Variants in CD58 observed in about 807,000 individuals in gnomAD.
The protein encoded by CD58 is CD58 molecule, also known as lymphocyte function-associated antigen 3.
A neutral mutation model predicts 27.6 loss-of-function variants in CD58; 14 were observed. The observed-to-expected ratio is 0.51, with a 90% confidence interval of 0.34 to 0.79. CD58 has a LOEUF of 0.79. Among genes scored for constraint, CD58 ranks in the 30% least tolerant of loss-of-function variants. The probability of loss-of-function intolerance (pLI) is 0.02; values close to 1 mark genes in which losing one functional copy is unlikely to be tolerated. For missense variants in CD58, 268 were observed against 301.7 expected (o/e 0.89, Z 0.83); for synonymous variants, 117 against 103.8 (o/e 1.13, Z -0.77).
intron 2 of CD58, among the ~76,000 whole-genome samples, chr1:116,540,094 C>G (rs1657945172): frequency 6.6e-6 from 1 of 152,014 alleles, no homozygotes; most frequent in African/African-American, 2.4e-5. Context: ...GATGAAGGTC[C>G]ATAAAAAGAT....
In CD58 at chr1:116,515,374, A is replaced by G. The variant is rs777845567; in HGVS notation, c.744-552T>C. Among the ~76,000 whole-genome samples the G allele has an allele frequency of 3.9e-5, 6 of 152,134 alleles. No homozygotes were observed. The highest frequency in any genetic ancestry group is 8.8e-5 in the Non-Finnish European group (6 of 68,026). Reference sequence around the variant, plus strand: ...GGTCTGCGTATTTCCACAGAGCTCAAAATCAGACCAGGCCAGAGCTCCCCA... The same window carrying G: ...GGTCTGCGTATTTCCACAGAGCTCAGAATCAGACCAGGCCAGAGCTCCCCA... On this transcript the variant is annotated intron_variant, in intron 5 of 5. Coordinates refer to ENST00000369489, the MANE Select transcript of CD58 (RefSeq NM_001779.3). This position sits in a 1 kb window ranked among gnomAD's most constrained non-coding sequence, Gnocchi z 4.6.
rs565580087 is a variant in CD58 at position 116,531,093 on chromosome 1, C to T, written c.628+4872G>A. On this transcript the variant is annotated intron_variant, in intron 3 of 5. Transcript: ENST00000369489. This position sits in a 1 kb window ranked among gnomAD's most constrained non-coding sequence, Gnocchi z 4.5. ...AAAGAATTTTTTCAAATTAATAGTA[C>T]TTATTTCAAATCAATAAGAGGAATA... 6.6e-6 allele frequency among the ~76,000 whole-genome samples: 1 copy of T among 152,208 alleles called. No homozygotes were observed. The highest frequency in any genetic ancestry group is 6.5e-5 in the Admixed American group (1 of 15,284).
rs1427454874 is a variant in CD58 at position 116,524,243 on chromosome 1, C to T, written c.629-2260G>A. Among the ~76,000 whole-genome samples, 2 of 152,080 alleles carry T rather than the reference C, an allele frequency of 1.3e-5. No individual in the cohort carries two copies. The highest frequency in any genetic ancestry group is 4.8e-5 in the African/African-American group (2 of 41,392). ...GTACCATAATCTGGGTGAAGGTGGC[C>T]AATCATCCTGGTTTTCCTGAAACTG... On this transcript the variant is annotated intron_variant, in intron 3 of 5. Coordinates refer to ENST00000369489, the MANE Select transcript of CD58 (RefSeq NM_001779.3). This position sits in a 1 kb window ranked among gnomAD's most constrained non-coding sequence, Gnocchi z 4.6.
rs939637418 is a variant in CD58, at chr1:116,528,701, G to A, written c.629-6718C>T. On this transcript the variant is annotated intron_variant, in intron 3 of 5. Coordinates refer to ENST00000369489, the MANE Select transcript of CD58 (RefSeq NM_001779.3). This position sits in a 1 kb window ranked among gnomAD's most constrained non-coding sequence, Gnocchi z 4.4. ...CAGCAGTTATCTAAAAGAGAATGGT[G>A]AAGTGCACTGGGTTTCTTTACCTGG... 6.6e-6 allele frequency among the ~76,000 whole-genome samples: 1 copy of A among 152,204 alleles called. No individual in the cohort carries two copies. The highest frequency in any genetic ancestry group is 1.5e-5 in the Non-Finnish European group (1 of 68,036).
At chr1:116,533,871 C>T (rs1657701698) in intron 3 of CD58, 2 of 1,041,410 alleles carry the variant, frequency 1.9e-6, no homozygotes, top group South Asian at 2.5e-5. Flanking sequence ...CGCATCTCAC[C>T]TGAATTTGTT....
In CD58 at chr1:116,552,075, G is replaced by C. The variant is rs1361598128; in HGVS notation, c.71-7471C>G. On this transcript the variant is annotated intron_variant, in intron 1 of 5. Transcript: ENST00000369489. The surrounding 1 kb of genome is among the most constrained non-coding windows in gnomAD (Gnocchi z 4.5). Reference sequence around the variant, plus strand: ...GCTTTTCACATGCCTTCCTCACTAAGCTTAATCATTTCTAGTTTTTAATTT... The same window carrying C: ...GCTTTTCACATGCCTTCCTCACTAACCTTAATCATTTCTAGTTTTTAATTT... Among the ~76,000 whole-genome samples, 1 of 152,142 alleles carries C rather than the reference G, an allele frequency of 6.6e-6. No individual in the cohort carries two copies. Among genetic ancestry groups the C allele is most frequent in the Admixed American group, 6.5e-5 (1 of 15,284 alleles).
At position 116,519,499 on chromosome 1, in the gene CD58, G is replaced by A. The variant is rs1440694571; in HGVS notation, c.707-232C>T. Reference sequence around the variant, plus strand: ...TAGAAAACCAAATGCAAAAACTGTTGACAAAATGGCTAATTTTACCTCGTG... The same window carrying A: ...TAGAAAACCAAATGCAAAAACTGTTAACAAAATGGCTAATTTTACCTCGTG... On this transcript the variant is annotated intron_variant, in intron 4 of 5. Transcript: ENST00000369489. This position sits in a 1 kb window ranked among gnomAD's most constrained non-coding sequence, Gnocchi z 4.7. 1.3e-5 allele frequency among the ~76,000 whole-genome samples: 2 copies of A among 152,124 alleles called. No homozygotes were observed. The highest frequency in any genetic ancestry group is 2.9e-5 in the Non-Finnish European group (2 of 68,020).
chr1:116,566,208 T>C (rs10923122), intron 1 of CD58, among the ~76,000 whole-genome samples: 33,845 of 152,160 alleles, frequency 0.22, 4,080 homozygotes, highest in Non-Finnish European at 0.27. Flanking sequence ...TTAGTAAGTT[T>C]GTAGTTGGTA....
intron 1 of CD58, among the ~76,000 whole-genome samples, chr1:116,547,624 T>A (rs550830488): frequency 3.9e-5 from 6 of 152,112 alleles, no homozygotes; most frequent in Non-Finnish European, 5.9e-5. Flanking sequence ...CCACCGCGCC[T>A]GGCCTATTAT....
intron 3 of CD58, chr1:116,533,776 CTCTCG>C: frequency 1.4e-6 from 1 of 723,858 alleles, no homozygotes. Context: ...AAATTCTCTT[CTCTCG>C]TCAAAGAGAG....
chr1:116,537,356 C>T (rs1657846290), intron 2 of CD58, among the ~76,000 whole-genome samples: 1 of 152,160 alleles, frequency 6.6e-6, no homozygotes, highest in African/African-American at 2.4e-5. Flanking sequence ...AGAGGAAATA[C>T]TTTGTATTAC....
Position 116,544,543 on chromosome 1 carries a change from A to G in CD58, c.132T>C (p.His44=), listed in dbSNP as rs1448067613. 3 of 1,613,510 alleles carry G rather than the reference A, an allele frequency of 1.9e-6. No homozygotes were observed. Among genetic ancestry groups the G allele is most frequent in the Non-Finnish European group, 2.5e-6 (3 of 1,179,610 alleles). ...CTTTTAAAGGCACATTGCTTGGTAC[A>G]TGGAAAGTTACATTCCCATACACAA... is the stretch of plus-strand genomic sequence containing the variant. ...YGVVYGNVTF[H]VPSNVPLKEV... The change falls in exon 2 of 6, where the codon CAT becomes CAC. Residue 44 remains histidine, a synonymous_variant. Coordinates refer to ENST00000369489, the MANE Select transcript of CD58 (RefSeq NM_001779.3).
In CD58 at chr1:116,541,637, G is replaced by T. The variant is rs1571073509; in HGVS notation, c.364+2674C>A. 6.6e-6 allele frequency among the ~76,000 whole-genome samples: 1 copy of T among 152,200 alleles called. No individual in the cohort carries two copies. Among genetic ancestry groups the T allele is most frequent in the Non-Finnish European group, 1.5e-5 (1 of 68,034 alleles). On this transcript the variant is annotated intron_variant, in intron 2 of 5. Coordinates refer to ENST00000369489, the MANE Select transcript of CD58 (RefSeq NM_001779.3). This position sits in a 1 kb window ranked among gnomAD's most constrained non-coding sequence, Gnocchi z 5.3. ...GGCTGCCATTAACCAAAAGGGAAAA[G>T]ATTTGGGGAGGAGCAGCAGGTTTTA...
chr1:116,563,209 G>A lies in CD58; in HGVS notation c.70+7694C>T, dbSNP rs146521060. On this transcript the variant is annotated intron_variant, in intron 1 of 5. Coordinates refer to ENST00000369489, the MANE Select transcript of CD58 (RefSeq NM_001779.3). This position sits in a 1 kb window ranked among gnomAD's most constrained non-coding sequence, Gnocchi z 4.1. Reference sequence around the variant, plus strand: ...CCAAAATGATCTCCTTTGACTCCATGCCTCACATCCAGGTGACGCAAGAGA... The same window carrying A: ...CCAAAATGATCTCCTTTGACTCCATACCTCACATCCAGGTGACGCAAGAGA... 2.9e-3 allele frequency among the ~76,000 whole-genome samples: 439 copies of A among 152,328 alleles called. 4 individuals are homozygous for A. The highest frequency in any genetic ancestry group is 5.7e-3 in the Admixed American group (88 of 15,308).
chr1:116,547,571 T>C (rs1349978481), intron 1 of CD58, among the ~76,000 whole-genome samples: 2 of 152,100 alleles, frequency 1.3e-5, no homozygotes, highest in Non-Finnish European at 2.9e-5. Flanking sequence ...CCTCGTGATC[T>C]GCCCGCCTTG....
rs890352100 is a variant in CD58, at chr1:116,528,602, T to C, written c.629-6619A>G. On this transcript the variant is annotated intron_variant, in intron 3 of 5. Coordinates refer to ENST00000369489, the MANE Select transcript of CD58 (RefSeq NM_001779.3). This position sits in a 1 kb window ranked among gnomAD's most constrained non-coding sequence, Gnocchi z 4.4. ...TCCTCTTGCCTACCCCTTCAAAAAATGTGCCCTTTCCCTAGGCTCCCATTT... is the reference window on the plus strand; with the variant it reads ...TCCTCTTGCCTACCCCTTCAAAAAACGTGCCCTTTCCCTAGGCTCCCATTT... Among the ~76,000 whole-genome samples the C allele has an allele frequency of 9.2e-5, 14 of 152,336 alleles. No individual in the cohort carries two copies. Among genetic ancestry groups the C allele is most frequent in the African/African-American group, 1.9e-4 (8 of 41,586 alleles).
At position 116,534,622 on chromosome 1, in the gene CD58, T is replaced by C. The variant is rs1657729322; in HGVS notation, c.628+1343A>G. 6.6e-6 allele frequency among the ~76,000 whole-genome samples: 1 copy of C among 152,058 alleles called. No homozygotes were observed. The highest frequency in any genetic ancestry group is 1.5e-5 in the Non-Finnish European group (1 of 67,988). On this transcript the variant is annotated intron_variant, in intron 3 of 5. Transcript: ENST00000369489. This position sits in a 1 kb window ranked among gnomAD's most constrained non-coding sequence, Gnocchi z 5.3. Reference sequence around the variant, plus strand: ...CGCACCGGGTGCTGGGAGGGGCCGCTCCAGGCCCCAAGCCCCAGGCCCGCC... The same window carrying C: ...CGCACCGGGTGCTGGGAGGGGCCGCCCCAGGCCCCAAGCCCCAGGCCCGCC...
In CD58 at chr1:116,539,702, A is replaced by G. The variant is rs1024633430; in HGVS notation, c.365-3474T>C. Among the ~76,000 whole-genome samples, 156 of 152,202 alleles carry G rather than the reference A, an allele frequency of 1.0e-3. 14 individuals carry two copies. The highest frequency in any genetic ancestry group is 2.9e-5 in the Non-Finnish European group (2 of 68,038). ...GAAGTGCCTATCCAACTCATCTAAA[A>G]GTGTGCAAGCCTTTCTGCAGCACCT... On this transcript the variant is annotated intron_variant, in intron 2 of 5. Transcript: ENST00000369489.
At chr1:116,568,614 A>T (rs72999951) in intron 1 of CD58, among the ~76,000 whole-genome samples, 1,630 of 152,322 alleles carry the variant, frequency 0.011, 27 homozygotes, top group African/African-American at 0.037. Flanking sequence ...GGAACTGTGC[A>T]TAGCTTGCTG....
Sources: allele counts gnomAD v4.1 joint callset (sites outside exome capture counted in the v4.1 genomes callset), GRCh38; gene constraint gnomAD v4.1.1; non-coding constraint Gnocchi (gnomAD v3.1); transcripts MANE v1.5; gene names NCBI Gene and HGNC (gene_info 2026-07-23, HGNC 2026-07-21).